Variants in ALMS1 observed in about 807,000 individuals in gnomAD.
ALMS1 encodes ALMS1 centrosome and basal body associated protein, also known as centrosome-associated protein ALMS1.
A neutral mutation model predicts 352.2 loss-of-function variants in ALMS1; 271 were observed. The observed-to-expected ratio is 0.77, with a 90% CI of 0.70 to 0.85. ALMS1 has a LOEUF of 0.85. ALMS1 is among the 40% of genes least tolerant of loss of function. The pLI, the probability that ALMS1 is intolerant of heterozygous loss-of-function variation, is 0.00. For synonymous variants in ALMS1, 1,865 were observed against 1,761.2 expected, an observed-to-expected ratio of 1.06 and a Z score of -1.48; for missense variants, 5,445 against 4,870.7, an observed-to-expected ratio of 1.12 and a Z score of -3.51.
At chr2:73,479,044 A>G (rs1672640832) in intron 9 of ALMS1, among the ~76,000 whole-genome samples, 1 of 152,172 alleles carries the variant, frequency 6.6e-6, no homozygotes, top group African/African-American at 2.4e-5. Flanking sequence ...GCTGCATAGT[A>G]TTCCATGGTA....
chr2:73,485,389 G>T (rs1672811782), intron 9 of ALMS1, among the ~76,000 whole-genome samples: 1 of 152,190 alleles, frequency 6.6e-6, no homozygotes, highest in Non-Finnish European at 1.5e-5. Flanking sequence ...GGCTGCTCAG[G>T]GGTCAGGGGT....
intron 9 of ALMS1, among the ~76,000 whole-genome samples, chr2:73,487,424 C>T (rs895129113): frequency 2.4e-4 from 36 of 152,126 alleles, no homozygotes; most frequent in Admixed American, 1.2e-3. Context: ...GCTGTGGGCA[C>T]CCACATCTGG....
chr2:73,535,027 A>G (rs1673998203), intron 12 of ALMS1, 78 bp downstream of exon 12: 4 of 1,561,194 alleles, frequency 2.6e-6, no homozygotes, highest in East Asian at 4.5e-5. Context: ...TGGAGTGACA[A>G]AAGTCCAGTG....
chr2:73,590,324 T>C (rs1472174763), intron 16 of ALMS1, among the ~76,000 whole-genome samples: 3 of 152,142 alleles, frequency 2.0e-5, no homozygotes, highest in African/African-American at 7.2e-5. Flanking sequence ...TAAAACTTCA[T>C]TGTCAAAACA....
intron 14 of ALMS1, 27 bp from the exon 15 acceptor site, chr2:73,558,945 T>C (rs1428893903): frequency 6.2e-7 from 1 of 1,612,936 alleles, no homozygotes; most frequent in Non-Finnish European, 8.5e-7. Context: ...TTCCTGTCTG[T>C]ATAGTGTGTT....
intron 12 of ALMS1, among the ~76,000 whole-genome samples, chr2:73,540,062 A>AT (rs1674133124): frequency 1.3e-5 from 2 of 152,328 alleles, no homozygotes; most frequent in South Asian, 2.1e-4. Context: ...TCCAAGACAC[A>AT]TAATTGTCAG....
intron 18 of ALMS1, 34 bp downstream of exon 18, chr2:73,600,915 A>G: frequency 6.3e-7 from 1 of 1,599,810 alleles, no homozygotes; most frequent in Non-Finnish European, 8.5e-7. Context: ...GTAGTAGAGA[A>G]ACTAGTGAAT....
intron 10 of ALMS1, among the ~76,000 whole-genome samples, chr2:73,516,273 A>C (rs941849822): frequency 1.3e-5 from 2 of 152,198 alleles, no homozygotes; most frequent in Non-Finnish European, 2.9e-5. Flanking sequence ...CAGAATGTCT[A>C]TTAATAAAAA....
rs1212599796 is a variant in ALMS1, at chr2:73,572,604, A to G, written c.10727A>G (p.Gln3576Arg). 1 of 1,613,852 alleles carries G rather than the reference A, an allele frequency of 6.2e-7. No individual in the cohort carries two copies. The highest frequency in any genetic ancestry group is 1.3e-5 in the African/African-American group (1 of 74,934). ...QVRDYPKHNGQISDPQRDQKV... is the reference protein window; with the variant it reads ...QVRDYPKHNGRISDPQRDQKV... Reference sequence around the variant, plus strand: ...AGAGATTATCCAAAACATAATGGACAAATTAGTGATCCACAAAGGGATCAG... The same window carrying G: ...AGAGATTATCCAAAACATAATGGACGAATTAGTGATCCACAAAGGGATCAG... Residue 3576 changes from glutamine to arginine, a missense_variant, in exon 16 of 23, where the codon CAA (glutamine) becomes CGA (arginine). Transcript: ENST00000613296.
intron 7 of ALMS1, among the ~76,000 whole-genome samples, chr2:73,433,106 G>A (rs908005627): frequency 6.6e-6 from 1 of 152,216 alleles, no homozygotes; most frequent in Non-Finnish European, 1.5e-5. Context: ...TTATGTTGAA[G>A]TGAATTTGAG....
chr2:73,487,131 C>T (rs1255815636), intron 9 of ALMS1, among the ~76,000 whole-genome samples: 1 of 152,212 alleles, frequency 6.6e-6, no homozygotes, highest in Non-Finnish European at 1.5e-5. Flanking sequence ...CTGTGGCCAG[C>T]AGCACCTTCT....
At chr2:73,513,434 G>A (rs1470252753) in intron 10 of ALMS1, among the ~76,000 whole-genome samples, 1 of 152,082 alleles carries the variant, frequency 6.6e-6, no homozygotes, top group Non-Finnish European at 1.5e-5. Flanking sequence ...CCCTCATCTT[G>A]TTTAGGATTT....
chr2:73,509,403 T>C (rs1349219052), intron 10 of ALMS1, among the ~76,000 whole-genome samples: 1 of 152,220 alleles, frequency 6.6e-6, no homozygotes. Flanking sequence ...GTACTGGTTT[T>C]TCCTTGCCAT....
chr2:73,606,103 A>G (rs918727377), intron 21 of ALMS1, among the ~76,000 whole-genome samples: 1 of 152,212 alleles, frequency 6.6e-6, no homozygotes, highest in Non-Finnish European at 1.5e-5. Context: ...AAAAATGTAA[A>G]CAGTGCCACT....
intron 16 of ALMS1, among the ~76,000 whole-genome samples, chr2:73,576,792 T>C (rs1000199313): frequency 2.6e-5 from 4 of 152,022 alleles, no homozygotes; most frequent in Non-Finnish European, 2.9e-5. Flanking sequence ...AGCTATTTTT[T>C]TGGATTTTTA....
At chr2:73,456,305 A>G (rs772333787) in intron 9 of ALMS1, among the ~76,000 whole-genome samples, 11 of 152,158 alleles carry the variant, frequency 7.2e-5, no homozygotes, top group South Asian at 4.1e-4. Flanking sequence ...AGCTGCTTCT[A>G]TGTAGATGTG....
At chr2:73,581,752 CTT>C (rs1338369570) in intron 16 of ALMS1, among the ~76,000 whole-genome samples, 13 of 143,032 alleles carry the variant, frequency 9.1e-5, no homozygotes, top group African/African-American at 1.5e-4. Flanking sequence ...ATTATTTTTT[CTT>C]TTTTTTTTTT....
intron 15 of ALMS1, among the ~76,000 whole-genome samples, chr2:73,569,375 A>T (rs994724996): frequency 1.3e-5 from 2 of 151,922 alleles, no homozygotes; most frequent in Non-Finnish European, 2.9e-5. Context: ...GGCTGGGAGG[A>T]CTATGTTCAT....
In ALMS1 at chr2:73,519,928, G is replaced by A. The variant is rs764518519; in HGVS notation, c.9693G>A (p.Glu3231=). 2 of 1,613,942 alleles carry A rather than the reference G, an allele frequency of 1.2e-6. No individual in the cohort carries two copies. Among genetic ancestry groups the A allele is most frequent in the East Asian group, 2.2e-5 (1 of 44,876 alleles). ...NAEDRGHEII[E]PGNQKLRKAP... is the part of the protein sequence containing the mutation. ...AAGATCGTGGACATGAAATTATAGA[G>A]CCTGGTAACCAGAAGCTACGCAAAG... The change falls in exon 11 of 23, where the codon GAG becomes GAA. Residue 3231 remains glutamate, a synonymous_variant. Coordinates refer to ENST00000613296, the MANE Select transcript of ALMS1 (RefSeq NM_001378454.1).
Sources: gnomAD v4.1 joint callset for allele counts (sites outside exome capture counted in the v4.1 genomes callset) on GRCh38, gnomAD v4.1.1 for gene constraint, MANE v1.5 for transcripts, NCBI Gene and HGNC (gene_info 2026-07-23, HGNC 2026-07-21) for gene names.